Variants in FBXO25 observed in about 807,000 individuals in gnomAD.
FBXO25 encodes the protein F-box only protein 25.
Under a neutral mutation model 51.9 loss-of-function variants are expected in FBXO25, and 45 were observed. The ratio of observed to expected loss-of-function variants is 0.87; its 90% CI spans 0.68 to 1.11. FBXO25 has a LOEUF of 1.11. FBXO25 is among the 50% of genes most tolerant of loss of function. The pLI, the probability that FBXO25 is intolerant of heterozygous loss-of-function variation, is 0.00. For synonymous variants in FBXO25, 199 were observed against 151.0 expected, an observed-to-expected ratio of 1.32 and a Z score of -2.33; for missense variants, 507 against 428.5, an observed-to-expected ratio of 1.18 and a Z score of -1.62.
At chr8:448,630 T>C (rs1019897220) in intron 5 of FBXO25, among the ~76,000 whole-genome samples, 1 of 152,252 alleles carries the variant, frequency 6.6e-6, no homozygotes, top group Non-Finnish European at 1.5e-5. Context: ...AGTGAATCTC[T>C]GCAGCATCAG....
At chr8:435,184 C>A (rs1229568945) in intron 4 of FBXO25, among the ~76,000 whole-genome samples, 3 of 152,162 alleles carry the variant, frequency 2.0e-5, no homozygotes, top group Non-Finnish European at 2.9e-5. Context: ...GCAGAGAAAT[C>A]CTGTGTTTCA....
chr8:415,749 C>T (rs886906692), intron 2 of FBXO25, among the ~76,000 whole-genome samples: 1 of 152,120 alleles, frequency 6.6e-6, no homozygotes, highest in African/African-American at 2.4e-5. Flanking sequence ...GGTCTTCTCT[C>T]CAGCGTAGTG....
intron 5 of FBXO25, among the ~76,000 whole-genome samples, chr8:443,933 G>T (rs1205292167): frequency 1.3e-5 from 2 of 152,240 alleles, no homozygotes; most frequent in African/African-American, 4.8e-5. Context: ...AGCAGAGCAG[G>T]AAGGCACAAG....
At chr8:454,726 C>T (rs1442262400) in intron 7 of FBXO25, among the ~76,000 whole-genome samples, 1 of 151,914 alleles carries the variant, frequency 6.6e-6, no homozygotes, top group African/African-American at 2.4e-5. Flanking sequence ...CCCATCTCTA[C>T]TAAAAATACA....
intron 2 of FBXO25, among the ~76,000 whole-genome samples, chr8:428,992 CT>C (rs1797658897): frequency 6.6e-6 from 1 of 152,200 alleles, no homozygotes; most frequent in Non-Finnish European, 1.5e-5. Context: ...AGTAATACTG[CT>C]ATGAACGTGG....
chr8:475,170 C>T lies in FBXO25; in HGVS notation c.*6366C>T. Reference sequence around the variant, plus strand: ...GTAGATCTAGCTTCATGTGGATGTCCACTTGTCTAGCACCATTTGTTGAAA... The same window carrying T: ...GTAGATCTAGCTTCATGTGGATGTCTACTTGTCTAGCACCATTTGTTGAAA... On this transcript the variant is annotated 3_prime_UTR_variant, in exon 10 of 10. Transcript: ENST00000350302. 2 of 346,402 alleles carry T rather than the reference C, an allele frequency of 5.8e-6. No homozygotes were observed. Among genetic ancestry groups the T allele is most frequent in the Non-Finnish European group, 1.1e-5 (2 of 180,870 alleles). 21.5% of individuals were successfully genotyped at this position (346,402 alleles called of 1,614,324 possible).
intron 4 of FBXO25, among the ~76,000 whole-genome samples, chr8:433,973 A>G (rs1797962633): frequency 6.6e-6 from 1 of 152,242 alleles, no homozygotes; most frequent in South Asian, 2.1e-4. Flanking sequence ...CTCGTGAAAG[A>G]CCATTAAATA....
At chr8:434,188 G>T (rs1199919936) in intron 4 of FBXO25, among the ~76,000 whole-genome samples, 1 of 152,156 alleles carries the variant, frequency 6.6e-6, no homozygotes, top group Non-Finnish European at 1.5e-5. Flanking sequence ...ACCCTCACCT[G>T]GTACAGAGCA....
intron 5 of FBXO25, 29 bp from the exon 6 acceptor site, chr8:449,961 G>T (rs1369139608): frequency 2.1e-6 from 3 of 1,449,450 alleles, no homozygotes; most frequent in Admixed American, 1.8e-5. Context: ...TATATATATC[G>T]CTCAGCTTTT....
intron 5 of FBXO25, among the ~76,000 whole-genome samples, chr8:438,590 A>G (rs1315392761): frequency 6.6e-6 from 1 of 152,124 alleles, no homozygotes; most frequent in Non-Finnish European, 1.5e-5. Context: ...GTCCTGTTGG[A>G]GGCATAAAAT....
chr8:423,164 C>G (rs1797257104), intron 2 of FBXO25, among the ~76,000 whole-genome samples: 1 of 151,112 alleles, frequency 6.6e-6, no homozygotes. Flanking sequence ...GGTTTTCTCT[C>G]TGTCTTCCTG....
chr8:426,168 G>C (rs1797464226), intron 2 of FBXO25, among the ~76,000 whole-genome samples: 1 of 152,120 alleles, frequency 6.6e-6, no homozygotes, highest in African/African-American at 2.4e-5. Flanking sequence ...GCTCACCTTT[G>C]CATCTGCCTC....
chr8:451,616 C>G (rs956614890), intron 7 of FBXO25, among the ~76,000 whole-genome samples, 163 bp downstream of exon 7: 2 of 152,126 alleles, frequency 1.3e-5, no homozygotes, highest in African/African-American at 4.8e-5. Context: ...ACCAAAGACC[C>G]CAATGGCTTA....
intron 4 of FBXO25, among the ~76,000 whole-genome samples, chr8:434,680 C>T (rs946184554): frequency 1.3e-5 from 2 of 152,082 alleles, no homozygotes; most frequent in African/African-American, 4.8e-5. Flanking sequence ...TTATTTTTTT[C>T]TAGCTTATCT....
At chr8:408,606 G>A (rs11775424) in intron 1 of FBXO25, among the ~76,000 whole-genome samples, 87,483 of 152,094 alleles carry the variant, frequency 0.58, 25,408 homozygotes, top group African/African-American at 0.63. Context: ...CGTAGCCTAT[G>A]GTAAGCTCTA....
At position 470,947 on chromosome 8, in the gene FBXO25, A is replaced by G. The variant is rs980847119; in HGVS notation, c.*2143A>G. 1.3e-5 allele frequency: 2 copies of G among 152,156 alleles called. No homozygotes were observed. Among genetic ancestry groups the G allele is most frequent in the Non-Finnish European group, 2.9e-5 (2 of 68,020 alleles). 9.4% of individuals were successfully genotyped at this position (152,156 alleles called of 1,614,324 possible). On this transcript the variant is annotated 3_prime_UTR_variant, in exon 10 of 10. Transcript: ENST00000350302. Reference sequence around the variant, plus strand: ...GTTAGTTTCTTCTTAAAAGGAAACTATCCTTTTGAAGTTGTGGTTCTTTCC... The same window carrying G: ...GTTAGTTTCTTCTTAAAAGGAAACTGTCCTTTTGAAGTTGTGGTTCTTTCC...
Position 476,176 on chromosome 8 carries a change from T to G in FBXO25, c.*7372T>G, listed in dbSNP as rs186849832. The G allele has an allele frequency of 1.4e-4, 22 of 152,310 alleles. No individual in the cohort carries two copies. The East Asian group carries it at 3.7e-3, about 25-fold the overall frequency. 9.4% of individuals were successfully genotyped at this position (152,310 alleles called of 1,614,324 possible). The stretch of plus-strand genomic sequence containing the variant: ...GTAATAGACATTACATTTATTGACT[T>G]GAGCATGTTGAAACATCTTTGCATA... On this transcript the variant is annotated 3_prime_UTR_variant, in exon 10 of 10. Transcript: ENST00000350302.
At chr8:440,528 C>G (rs952933528) in intron 5 of FBXO25, among the ~76,000 whole-genome samples, 82 of 152,190 alleles carry the variant, frequency 5.4e-4, no homozygotes, top group African/African-American at 1.7e-3. Flanking sequence ...AGTCTATAAA[C>G]TTTGATTTTC....
chr8:459,906 G>T (rs544190270), intron 8 of FBXO25, among the ~76,000 whole-genome samples: 2 of 152,178 alleles, frequency 1.3e-5, no homozygotes, highest in African/African-American at 4.8e-5. Context: ...AGATTTAGCC[G>T]AGCAGAGGTT....
Sources: gnomAD v4.1 joint callset for allele counts (sites outside exome capture counted in the v4.1 genomes callset) on GRCh38, gnomAD v4.1.1 for gene constraint, MANE v1.5 for transcripts, NCBI Gene and HGNC (gene_info 2026-07-23, HGNC 2026-07-21) for gene names.